The following GIGYF2 variants were observed in gnomAD, a reference collection of about 807,000 sequenced individuals.
GIGYF2 encodes the protein GRB10-interacting GYF protein 2.
Under a neutral mutation model 208.1 loss-of-function variants are expected in GIGYF2, and 25 were observed. The observed-to-expected ratio is 0.12, with a 90% CI of 0.09 to 0.17. GIGYF2 has a LOEUF of 0.17. GIGYF2 is among the 10% of genes least tolerant of loss of function. The pLI, the probability that GIGYF2 is intolerant of heterozygous loss-of-function variation, is 1.00. For synonymous variants in GIGYF2, 534 were observed against 543.8 expected (o/e 0.98, Z 0.25); for missense variants, 1,302 against 1,579.4 (o/e 0.82, Z 2.98).
Position 232,806,829 on chromosome 2 carries a change from T to A in GIGYF2, c.1806+172T>A, listed in dbSNP as rs13401578. On this transcript the variant is annotated intron_variant, in intron 15 of 28. Transcript: ENST00000373563. This position sits in a 1 kb window ranked among gnomAD's most constrained non-coding sequence, Gnocchi z 4.0. ...GACTGAATACTTAGCTATAATGATC[T>A]TTTCAAAACTCGAATAACCTGTGCC... 1.3e-5 allele frequency among the ~76,000 whole-genome samples: 2 copies of A among 152,080 alleles called. No individual in the cohort carries two copies. The highest frequency in any genetic ancestry group is 2.9e-5 in the Non-Finnish European group (2 of 68,000).
At chr2:232,805,857 T>C (rs922560354) in intron 14 of GIGYF2, among the ~76,000 whole-genome samples, 1 of 152,228 alleles carries the variant, frequency 6.6e-6, no homozygotes, top group African/African-American at 2.4e-5. Flanking sequence ...CTTTGCTTTA[T>C]TTATTGCCAT....
Position 232,803,844 on chromosome 2 carries a change from C to T in GIGYF2, c.1640-2647C>T, listed in dbSNP as rs1189668602. ...CTGGGACTACAGGCGCCCGCCACCG[C>T]GCCCGGCTAATTTTTTGTATTTTTA... On this transcript the variant is annotated intron_variant, in intron 14 of 28. Coordinates refer to ENST00000373563, the MANE Select transcript of GIGYF2 (RefSeq NM_001103146.3). Among the ~76,000 whole-genome samples the T allele has an allele frequency of 4.6e-5, 3 of 65,450 alleles. 1 individual carries two copies. Among genetic ancestry groups the T allele is most frequent in the Non-Finnish European group, 8.3e-5 (3 of 36,228 alleles). 42.9% of individuals were successfully genotyped at this position (65,450 alleles called of 152,430 possible). A position where few individuals can be genotyped will look rare whatever the true frequency, so the allele number is the denominator to read the frequency against.
intron 20 of GIGYF2, among the ~76,000 whole-genome samples, chr2:232,818,816 A>C (rs1337286988): frequency 6.6e-6 from 1 of 152,156 alleles, no homozygotes; most frequent in Non-Finnish European, 1.5e-5. Flanking sequence ...TTTTATAAGT[A>C]AATTATAATA....
rs1701237345 is a variant in GIGYF2 at position 232,826,073 on chromosome 2, A to G, written c.2529+6088A>G. Among the ~76,000 whole-genome samples the G allele has an allele frequency of 2.6e-5, 4 of 152,112 alleles. No homozygotes were observed. In the South Asian group the frequency reaches 8.3e-4, roughly 32 times the overall value. ...GGCTGCATAGTATTCCATGGTGTAT[A>G]TGTGCCACATTTTCTTAATCCAGTC... On this transcript the variant is annotated intron_variant, in intron 21 of 28. Coordinates refer to ENST00000373563, the MANE Select transcript of GIGYF2 (RefSeq NM_001103146.3).
Position 232,747,662 on chromosome 2 carries a change from C to G in GIGYF2, c.89C>G (p.Ser30Cys). The change falls in exon 4 of 29, where the codon TCT (serine) becomes TGT (cysteine). Residue 30 changes from serine (S) to cysteine (C), a missense_variant. Ser to Cys is a moderately radical substitution (Grantham distance 112, BLOSUM62 -1). Coordinates refer to ENST00000373563, the MANE Select transcript of GIGYF2 (RefSeq NM_001103146.3). Reference sequence around the variant, plus strand: ...GGGAGTATTACATCCCCTCCTCTTTCTCCAGCATTGCCGAAGTATAAATTA... The same window carrying G: ...GGGAGTATTACATCCCCTCCTCTTTGTCCAGCATTGCCGAAGTATAAATTA... Reference protein sequence around the residue: ...SGGSITSPPLSPALPKYKLAD... With the variant: ...SGGSITSPPLCPALPKYKLAD... The G allele has an allele frequency of 6.2e-7, 1 of 1,613,840 alleles. No individual in the cohort carries two copies. Among genetic ancestry groups the G allele is most frequent in the Non-Finnish European group, 8.5e-7 (1 of 1,179,734 alleles).
chr2:232,787,076 G>A, intron 8 of GIGYF2, 74 bp from the exon 9 acceptor site: 2 of 1,064,352 alleles, frequency 1.9e-6, no homozygotes, highest in Non-Finnish European at 2.9e-6. Flanking sequence ...AGCTTGATTT[G>A]AGCTGTGAAG....
intron 20 of GIGYF2, 35 bp from the exon 21 acceptor site, chr2:232,819,792 T>G: frequency 5.4e-6 from 1 of 183,892 alleles, no homozygotes; most frequent in Non-Finnish European, 1.1e-5. Flanking sequence ...CCTGAGTCCC[T>G]CCCCCACCCC....
At chr2:232,763,899 A>G (rs1698844230) in intron 8 of GIGYF2, among the ~76,000 whole-genome samples, 1 of 152,104 alleles carries the variant, frequency 6.6e-6, no homozygotes, top group Admixed American at 6.5e-5. Flanking sequence ...ATATTTTTTG[A>G]TCATGATTGA....
At chr2:232,756,890 C>T (rs1698566203) in intron 6 of GIGYF2, among the ~76,000 whole-genome samples, 1 of 152,038 alleles carries the variant, frequency 6.6e-6, no homozygotes, top group Non-Finnish European at 1.5e-5. Flanking sequence ...TTACTTGTTT[C>T]TTTGATATCT....
At chr2:232,829,391 A>G (rs548748000) in intron 21 of GIGYF2, among the ~76,000 whole-genome samples, 208 of 152,220 alleles carry the variant, frequency 1.4e-3, no homozygotes, top group South Asian at 4.2e-3. Flanking sequence ...ACTGATTTTT[A>G]TAATAAAAAA....
Position 232,796,210 on chromosome 2 carries a change from G to A in GIGYF2, c.1628G>A (p.Gly543Glu). The A allele has an allele frequency of 6.2e-7, 1 of 1,601,058 alleles. No homozygotes were observed. Among genetic ancestry groups the A allele is most frequent in the Non-Finnish European group, 8.6e-7 (1 of 1,168,098 alleles). ...MQKWYYKDPQ[G>E]EIQGPFNNQE... Reference sequence around the variant, plus strand: ...AAGTGGTATTACAAAGATCCTCAGGGAGAAATTCAAGGCAAGTTGTTCCTT... The same window carrying A: ...AAGTGGTATTACAAAGATCCTCAGGAAGAAATTCAAGGCAAGTTGTTCCTT... Residue 543 changes from glycine to glutamate, a missense_variant, in exon 14 of 29, where the codon GGA becomes GAA. Transcript: ENST00000373563.
intron 14 of GIGYF2, among the ~76,000 whole-genome samples, chr2:232,802,898 A>ATTT (rs35474409): frequency 2.4e-4 from 35 of 143,780 alleles, no homozygotes; most frequent in African/African-American, 8.0e-4. Context: ...TTGTCCAGAG[A>ATTT]TTTTTTTTTT....
intron 8 of GIGYF2, chr2:232,782,685 T>TA (rs1164172624): frequency 1.3e-5 from 2 of 152,348 alleles, no homozygotes; most frequent in Admixed American, 6.5e-5. Flanking sequence ...CGGCAGCACA[T>TA]ACACTAAAAT....
At chr2:232,743,548 C>A (rs1174728178) in intron 3 of GIGYF2, among the ~76,000 whole-genome samples, 1 of 152,098 alleles carries the variant, frequency 6.6e-6, no homozygotes, top group Non-Finnish European at 1.5e-5. Context: ...TTTTCGTGCT[C>A]CTCTCCCTCC....
At chr2:232,839,241 A>G (rs1407914300) in intron 22 of GIGYF2, among the ~76,000 whole-genome samples, 2 of 152,208 alleles carry the variant, frequency 1.3e-5, no homozygotes, top group African/African-American at 2.4e-5. Flanking sequence ...CTAGATATTT[A>G]TACTCTATTT....
chr2:232,839,948 C>A lies in GIGYF2; in HGVS notation c.2866C>A (p.Arg956=), dbSNP rs751655682. Residue 956 remains arginine (R), a synonymous_variant, in exon 23 of 29, where the codon CGA becomes AGA. Coordinates refer to ENST00000373563, the MANE Select transcript of GIGYF2 (RefSeq NM_001103146.3). ...TGAAATCCAAAAACTAGAGGAAGAACGAGAACGGCAGCTTCGAGAAGAGGT... is the reference window on the plus strand; with the variant it reads ...TGAAATCCAAAAACTAGAGGAAGAAAGAGAACGGCAGCTTCGAGAAGAGGT... The part of the protein sequence containing the change: ...LAEIQKLEEE[R]ERQLREEQRR... 6 of 1,613,950 alleles carry A rather than the reference C, an allele frequency of 3.7e-6. No homozygotes were observed. In the East Asian group the frequency reaches 6.7e-5, roughly 18 times the overall value.
chr2:232,701,769 G>T (rs1021723445), intron 1 of GIGYF2, among the ~76,000 whole-genome samples: 3 of 151,720 alleles, frequency 2.0e-5, no homozygotes, highest in Non-Finnish European at 2.9e-5. Context: ...ATTTAATTTT[G>T]CAAAAAAAGT....
At chr2:232,801,770 C>T (rs1700406662) in intron 14 of GIGYF2, among the ~76,000 whole-genome samples, 1 of 152,080 alleles carries the variant, frequency 6.6e-6, no homozygotes, top group Non-Finnish European at 1.5e-5. Context: ...TCTTTTGAGA[C>T]TTCGTATGTA....
intron 21 of GIGYF2, among the ~76,000 whole-genome samples, chr2:232,822,453 C>A (rs1040164891): frequency 2.0e-5 from 3 of 152,174 alleles, no homozygotes; most frequent in Non-Finnish European, 4.4e-5. Flanking sequence ...GAGGCCAAGG[C>A]GGGCAGATCA....
Sources: gnomAD v4.1 joint callset for allele counts (sites outside exome capture counted in the v4.1 genomes callset) on GRCh38, gnomAD v4.1.1 for gene constraint, Gnocchi (gnomAD v3.1) non-coding constraint, MANE v1.5 for transcripts, NCBI Gene and HGNC (gene_info 2026-07-23, HGNC 2026-07-21) for gene names.